Variants in CADPS2 observed in about 807,000 individuals in gnomAD.
CADPS2 encodes the protein calcium dependent secretion activator 2, also known as calcium-dependent secretion activator 2.
Under a neutral mutation model 172.5 loss-of-function variants are expected in CADPS2, and 93 were observed. The ratio of observed to expected loss-of-function variants is 0.54; its 90% CI spans 0.46 to 0.64. The LOEUF (loss-of-function observed/expected upper bound fraction) is 0.64, where lower values mean the gene tolerates loss of function less well. CADPS2 is among the 30% of genes least tolerant of loss of function. CADPS2 has a pLI of 0.00. For missense variants in CADPS2, 1,420 were observed against 1,565.9 expected, an observed-to-expected ratio of 0.91 and a Z score of 1.57; for synonymous variants, 546 against 555.2, an observed-to-expected ratio of 0.98 and a Z score of 0.23.
At chr7:122,823,196 A>C (rs1452764517) in intron 1 of CADPS2, among the ~76,000 whole-genome samples, 1 of 152,200 alleles carries the variant, frequency 6.6e-6, no homozygotes, top group Non-Finnish European at 1.5e-5. Context: ...TACTCCAAAA[A>C]AATTCAATCT....
At chr7:122,689,290 T>C (rs1476304462) in intron 2 of CADPS2, among the ~76,000 whole-genome samples, 2 of 152,162 alleles carry the variant, frequency 1.3e-5, no homozygotes, top group African/African-American at 4.8e-5. Flanking sequence ...TTCAACATTG[T>C]GTCCCTACAA....
intron 11 of CADPS2, among the ~76,000 whole-genome samples, chr7:122,486,787 T>C (rs1223287085): frequency 6.6e-6 from 1 of 152,110 alleles, no homozygotes; most frequent in African/African-American, 2.4e-5. Context: ...GCAAACTTCA[T>C]CCTTGTCTTA....
intron 14 of CADPS2, among the ~76,000 whole-genome samples, chr7:122,456,332 T>C (rs1459998322): frequency 6.6e-6 from 1 of 152,014 alleles, no homozygotes; most frequent in Non-Finnish European, 1.5e-5. Context: ...GGGACTTAAC[T>C]CTATGACGAT....
intron 17 of CADPS2, among the ~76,000 whole-genome samples, chr7:122,423,053 TA>T (rs1259852130): frequency 6.6e-6 from 1 of 152,208 alleles, no homozygotes; most frequent in East Asian, 1.9e-4. Flanking sequence ...ATCCCCAGTC[TA>T]CTCTAATTTG....
chr7:122,454,486 G>A (rs1032597610), intron 14 of CADPS2, among the ~76,000 whole-genome samples: 1 of 152,052 alleles, frequency 6.6e-6, no homozygotes, highest in African/African-American at 2.4e-5. Context: ...AACCATGAAA[G>A]TTATATTTGA....
chr7:122,486,601 C>T (rs2057836676), intron 11 of CADPS2, among the ~76,000 whole-genome samples: 1 of 152,168 alleles, frequency 6.6e-6, no homozygotes, highest in Non-Finnish European at 1.5e-5. Flanking sequence ...ATGCTGTGAA[C>T]ATTGTTGAAA....
chr7:122,379,569 A>G, intron 24 of CADPS2, 127 bp from the exon 25 acceptor site: 2 of 675,742 alleles, frequency 3.0e-6, no homozygotes, highest in Non-Finnish European at 2.6e-6. Flanking sequence ...TTAGAACATT[A>G]AAAGAACAAA....
chr7:122,577,879 AC>A (rs2068250268), intron 7 of CADPS2, among the ~76,000 whole-genome samples: 2 of 151,886 alleles, frequency 1.3e-5, no homozygotes, highest in African/African-American at 4.8e-5. Flanking sequence ...TGTGGTATAA[AC>A]CTATTTTAAG....
intron 1 of CADPS2, among the ~76,000 whole-genome samples, chr7:122,755,140 A>G (rs2093105934): frequency 6.6e-6 from 1 of 152,170 alleles, no homozygotes; most frequent in South Asian, 2.1e-4. Context: ...TGACAATTAC[A>G]CCAAATCTAG....
intron 2 of CADPS2, among the ~76,000 whole-genome samples, chr7:122,736,493 A>G (rs1288985497): frequency 6.6e-6 from 1 of 152,224 alleles, no homozygotes; most frequent in African/African-American, 2.4e-5. Flanking sequence ...CAGAAGAAAC[A>G]GCAGAATGGT....
At chr7:122,363,189 C>G (rs2040413244) in intron 25 of CADPS2, among the ~76,000 whole-genome samples, 1 of 152,166 alleles carries the variant, frequency 6.6e-6, no homozygotes, top group Admixed American at 6.5e-5. Context: ...TATGTCAGAC[C>G]AGGGAAAGGG....
chr7:122,341,281 A>G (rs183419135), intron 28 of CADPS2, among the ~76,000 whole-genome samples: 2 of 152,368 alleles, frequency 1.3e-5, no homozygotes, highest in South Asian at 2.1e-4. Flanking sequence ...TTGTTTTCAC[A>G]TGGCTATCAC....
intron 3 of CADPS2, among the ~76,000 whole-genome samples, chr7:122,648,769 A>T (rs181249824): frequency 3.3e-5 from 5 of 152,302 alleles, no homozygotes; most frequent in Admixed American, 3.3e-4. Flanking sequence ...AGGACAATAC[A>T]GAGTGCAGAC....
chr7:122,697,895 G>A lies in CADPS2; in HGVS notation c.454-34326C>T, dbSNP rs762687585. Reference sequence around the variant, plus strand: ...ATTACTTTATCTGAGGTTCCTGCAGGAGAAACTTCATTATTTGTCTCCTCT... The same window carrying A: ...ATTACTTTATCTGAGGTTCCTGCAGAAGAAACTTCATTATTTGTCTCCTCT... On this transcript the variant is annotated intron_variant, in intron 2 of 29. Transcript: ENST00000449022. The A allele has an allele frequency of 7.4e-6, 12 of 1,613,680 alleles. No homozygotes were observed. In the Admixed American group the frequency reaches 2.0e-4, roughly 27 times the overall value.
chr7:122,381,759 G>A (rs1411353700), intron 24 of CADPS2, among the ~76,000 whole-genome samples: 1 of 152,020 alleles, frequency 6.6e-6, no homozygotes, highest in Non-Finnish European at 1.5e-5. Flanking sequence ...GGAAGAGATG[G>A]GGAGGGAGGG....
intron 17 of CADPS2, among the ~76,000 whole-genome samples, chr7:122,437,732 T>A (rs2050811887): frequency 1.3e-5 from 2 of 151,978 alleles, no homozygotes; most frequent in Admixed American, 6.6e-5. Flanking sequence ...ATTTTGTGAC[T>A]TTGCCACAAA....
At chr7:122,814,774 T>C (rs569648309) in intron 1 of CADPS2, among the ~76,000 whole-genome samples, 51 of 152,274 alleles carry the variant, frequency 3.3e-4, no homozygotes, top group African/African-American at 1.2e-3. Flanking sequence ...TTGTTTTCAT[T>C]ACATGGAATT....
chr7:122,473,514 A>G lies in CADPS2; in HGVS notation c.1998+867T>C, dbSNP rs1317847643. Among the ~76,000 whole-genome samples, 4 of 152,224 alleles carry G rather than the reference A, an allele frequency of 2.6e-5. 1 individual carries two copies. The highest frequency in any genetic ancestry group is 5.9e-5 in the Non-Finnish European group (4 of 68,044). ...CTTGTACATATAATGCAAATATTCC[A>G]AAATCTGAAGAAAATTCAATATTTG... On this transcript the variant is annotated intron_variant, in intron 13 of 29. Coordinates refer to ENST00000449022, the MANE Select transcript of CADPS2 (RefSeq NM_017954.11).
chr7:122,788,278 T>C (rs992096349), intron 1 of CADPS2, among the ~76,000 whole-genome samples: 3 of 152,234 alleles, frequency 2.0e-5, no homozygotes, highest in South Asian at 2.1e-4. Flanking sequence ...TTTGAAATTA[T>C]AGTACTCAGA....
Sources: gnomAD v4.1 joint callset for allele counts (sites outside exome capture counted in the v4.1 genomes callset) on GRCh38, gnomAD v4.1.1 for gene constraint, MANE v1.5 for transcripts, NCBI Gene and HGNC (gene_info 2026-07-23, HGNC 2026-07-21) for gene names.